The following BNC2 variants were observed in gnomAD, a reference collection of about 807,000 sequenced individuals.
BNC2 encodes zinc finger protein basonuclin-2.
In BNC2, 20 loss-of-function variants were observed where a neutral mutation model predicts 76.3. The observed-to-expected ratio is 0.26, with a 90% CI of 0.18 to 0.38. The LOEUF is 0.38. Ranked by LOEUF, BNC2 falls within the 10% of genes least tolerant of loss-of-function variation. The pLI is 1.00. For synonymous variants in BNC2, 582 were observed against 514.8 expected (o/e 1.13, Z -1.77); for missense variants, 1,382 against 1,399.8 (o/e 0.99, Z 0.20).
chr9:16,436,457 T>C lies in BNC2; in HGVS notation c.1737A>G (p.Pro579=), dbSNP rs1821017946. Residue 579 remains proline, a synonymous_variant, in exon 6 of 7, where the codon CCA becomes CCG. Transcript: ENST00000380672. ...AGGTTGGAGGACTCACCATTTCCCC[T>C]GGAGTGAGTAAACTTCTATAAAATG... ...VPPFYRSLLT[P]GEMVSPPTSL... 6.2e-7 allele frequency: 1 copy of C among 1,613,894 alleles called. No homozygotes were observed. Among genetic ancestry groups the C allele is most frequent in the Admixed American group, 1.7e-5 (1 of 59,976 alleles).
intron 3 of BNC2, among the ~76,000 whole-genome samples, chr9:16,649,605 C>T (rs1821736039): frequency 6.6e-6 from 1 of 152,104 alleles, no homozygotes; most frequent in Non-Finnish European, 1.5e-5. Context: ...TCAGTGACTA[C>T]AAGCTTGAAA....
At position 16,437,306 on chromosome 9, in the gene BNC2, G is replaced by A. The variant is rs766756218; in HGVS notation, c.888C>T (p.Ser296=). 1.2e-5 allele frequency: 19 copies of A among 1,613,998 alleles called. No homozygotes were observed. The highest frequency in any genetic ancestry group is 1.7e-5 in the Admixed American group (1 of 60,010). The part of the protein sequence containing the change: ...IESNNRTRSP[S]LLAHLENSNP... ...TGCTGTTCTCTAAGTGAGCAAGGAG[G>A]CTGGGACTCCTGGTGCGATTATTGC... The change falls in exon 6 of 7, where the codon AGC becomes AGT. Residue 296 remains serine, a synonymous_variant. Coordinates refer to ENST00000380672, the MANE Select transcript of BNC2 (RefSeq NM_017637.6).
chr9:16,839,300 A>T (rs183468058), intron 1 of BNC2, among the ~76,000 whole-genome samples: 1 of 152,348 alleles, frequency 6.6e-6, no homozygotes, highest in East Asian at 1.9e-4. Context: ...AAGGCTATGC[A>T]TCTTTTAATG....
intron 3 of BNC2, among the ~76,000 whole-genome samples, chr9:16,678,531 T>C (rs1822726690): frequency 6.6e-6 from 1 of 151,960 alleles, no homozygotes; most frequent in Non-Finnish European, 1.5e-5. Flanking sequence ...CCCAAAGTGC[T>C]GGGATTACAG....
intron 6 of BNC2, among the ~76,000 whole-genome samples, chr9:16,420,544 C>T (rs1459339510): frequency 6.6e-6 from 1 of 151,886 alleles, no homozygotes. Flanking sequence ...AAAATTAAAA[C>T]ACAGTAAGTA....
chr9:16,423,269 C>G (rs1456663129), intron 6 of BNC2, among the ~76,000 whole-genome samples: 1 of 152,164 alleles, frequency 6.6e-6, no homozygotes, highest in Admixed American at 6.5e-5. Flanking sequence ...ATTAGAACTT[C>G]TTACATTCTA....
intron 3 of BNC2, among the ~76,000 whole-genome samples, chr9:16,600,837 C>T (rs931328825): frequency 6.6e-6 from 1 of 152,126 alleles, no homozygotes; most frequent in African/African-American, 2.4e-5. Flanking sequence ...AGCTAGTAAC[C>T]TGAGGATCTC....
At position 16,582,515 on chromosome 9, in the gene BNC2, G is replaced by A. The variant is rs149339912; in HGVS notation, c.433+468C>T. On this transcript the variant is annotated intron_variant, in intron 4 of 6. Coordinates refer to ENST00000380672, the MANE Select transcript of BNC2 (RefSeq NM_017637.6). ...AAATAATGTTCCCGTTCACTCTCTC[G>A]TCCACCTGAGACCATACAACATTTA... Among the ~76,000 whole-genome samples the A allele has an allele frequency of 2.6e-5, 4 of 152,190 alleles. No individual in the cohort carries two copies. In the East Asian group the frequency reaches 5.8e-4, roughly 22 times the overall value.
chr9:16,853,508 T>G (rs550218700), intron 1 of BNC2, among the ~76,000 whole-genome samples: 6 of 152,164 alleles, frequency 3.9e-5, no homozygotes, highest in Non-Finnish European at 8.8e-5. Flanking sequence ...ACAATTCCTG[T>G]GCAATTTCTC....
At chr9:16,538,563 G>C (rs1818199619) in intron 5 of BNC2, among the ~76,000 whole-genome samples, 1 of 152,128 alleles carries the variant, frequency 6.6e-6, no homozygotes, top group Admixed American at 6.5e-5. Flanking sequence ...TTTAAAATAA[G>C]TTTTCATTAA....
chr9:16,847,397 G>GTTTAGGAAATTTTGAAGT (rs1586932225), intron 1 of BNC2, among the ~76,000 whole-genome samples: 1 of 26,882 alleles, frequency 3.7e-5, no homozygotes, highest in African/African-American at 2.2e-4. Context: ...AAGATTTCTC[G>GTTTAGGAAATTTTGAAGT]GGGCGGGGGG....
At chr9:16,452,215 T>C (rs1386807694) in intron 5 of BNC2, among the ~76,000 whole-genome samples, 2 of 152,222 alleles carry the variant, frequency 1.3e-5, no homozygotes, top group Non-Finnish European at 2.9e-5. Context: ...ACCAGTAAGT[T>C]ACCTATTCTT....
chr9:16,462,799 C>G (rs1821614481), intron 5 of BNC2, among the ~76,000 whole-genome samples: 1 of 152,180 alleles, frequency 6.6e-6, no homozygotes, highest in African/African-American at 2.4e-5. Context: ...GCCCCTCCCT[C>G]TTTCTGTTCT....
intron 3 of BNC2, among the ~76,000 whole-genome samples, chr9:16,649,570 G>C (rs1821735149): frequency 6.6e-6 from 1 of 152,116 alleles, no homozygotes; most frequent in Non-Finnish European, 1.5e-5. Context: ...CCTTTGTTTT[G>C]TGTTGTTTAG....
chr9:16,497,978 GGTGTGTGTGTGTGTGTGTGT>G (rs34523754), intron 5 of BNC2, among the ~76,000 whole-genome samples: 15 of 134,870 alleles, frequency 1.1e-4, no homozygotes, highest in African/African-American at 3.9e-4. Context: ...AAGAAACTGT[GGTGTGTGTGTGTGTGTGTGT>G]GTGTGTGTGT....
At chr9:16,694,150 A>T (rs1011463664) in intron 3 of BNC2, among the ~76,000 whole-genome samples, 1 of 152,214 alleles carries the variant, frequency 6.6e-6, no homozygotes, top group Non-Finnish European at 1.5e-5. Flanking sequence ...AAAATGGAAC[A>T]AATTGAAAGG....
At chr9:16,450,110 T>C (rs1433111137) in intron 5 of BNC2, among the ~76,000 whole-genome samples, 5 of 152,210 alleles carry the variant, frequency 3.3e-5, no homozygotes, top group African/African-American at 4.8e-5. Context: ...ATTTCATTGA[T>C]GCATTTTTAA....
At chr9:16,598,778 G>C (rs531002526) in intron 3 of BNC2, among the ~76,000 whole-genome samples, 1 of 152,250 alleles carries the variant, frequency 6.6e-6, no homozygotes, top group South Asian at 2.1e-4. Flanking sequence ...ACTCATCACA[G>C]CTTAAGAGGC....
chr9:16,547,296 T>A (rs1239457390), intron 5 of BNC2, among the ~76,000 whole-genome samples: 1 of 152,234 alleles, frequency 6.6e-6, no homozygotes, highest in Non-Finnish European at 1.5e-5. Flanking sequence ...TTTCTTCTTA[T>A]TGCCCTCAAC....
Sources: gnomAD v4.1 joint callset for allele counts (sites outside exome capture counted in the v4.1 genomes callset) on GRCh38, gnomAD v4.1.1 for gene constraint, MANE v1.5 for transcripts, NCBI Gene and HGNC (gene_info 2026-07-23, HGNC 2026-07-21) for gene names.